Variants in COG6 observed in about 807,000 individuals in gnomAD.
COG6 encodes conserved oligomeric Golgi complex subunit 6.
A neutral mutation model predicts 88.8 loss-of-function variants in COG6; 74 were observed. That is an observed-to-expected ratio of 0.83 (90% CI 0.69 to 1.01). COG6 has a LOEUF of 1.01. Ranked by LOEUF, COG6 falls within the 50% of genes least tolerant of loss-of-function variation. COG6 has a pLI of 0.00. For synonymous variants in COG6, 286 were observed against 278.7 expected (o/e 1.03, Z -0.26); for missense variants, 800 against 797.9 (o/e 1.00, Z -0.03).
In COG6 at chr13:39,655,702, A is replaced by T; in HGVS notation, c.-25A>T. On this transcript the variant is annotated 5_prime_UTR_variant, in exon 1 of 19. Coordinates refer to ENST00000455146, the MANE Select transcript of COG6 (RefSeq NM_020751.3). ...GTGGTCCCTGCCTGGCTGAGGTGGC[A>T]GCAGGGGGCGGGACGCGCAGCGCTA... 1.9e-6 allele frequency: 3 copies of T among 1,553,882 alleles called. No individual in the cohort carries two copies. Among genetic ancestry groups the T allele is most frequent in the Non-Finnish European group, 2.6e-6 (3 of 1,151,560 alleles).
chr13:39,770,197 C>T (rs376075622), intron 18 of COG6, among the ~76,000 whole-genome samples: 2 of 152,208 alleles, frequency 1.3e-5, no homozygotes, highest in Admixed American at 1.3e-4. Context: ...TTGTCTTACA[C>T]ATATTAGTTA....
chr13:39,770,962 A>T (rs1257742434), intron 18 of COG6, among the ~76,000 whole-genome samples: 1 of 152,082 alleles, frequency 6.6e-6, no homozygotes, highest in African/African-American at 2.4e-5. Flanking sequence ...GATAACATTA[A>T]TTGTCTTTTT....
chr13:39,706,215 T>TTATATATATATATATATACTCCTTTA (rs141224881), intron 13 of COG6, among the ~76,000 whole-genome samples: 37 of 126,724 alleles, frequency 2.9e-4, no homozygotes, highest in African/African-American at 9.9e-4. Context: ...ATATACTCCT[T>TTATATATATATATATATACTCCTTTA]TATATATATA....
At chr13:39,737,786 G>GC (rs766327379) in intron 18 of COG6, among the ~76,000 whole-genome samples, 15 of 152,040 alleles carry the variant, frequency 9.9e-5, no homozygotes, top group Non-Finnish European at 1.9e-4. Flanking sequence ...AGATCCCAGA[G>GC]CACCTTATCC....
At chr13:39,665,262 G>C (rs999566742) in intron 4 of COG6, 108 bp downstream of exon 4, 2 of 694,338 alleles carry the variant, frequency 2.9e-6, no homozygotes, top group Non-Finnish European at 5.2e-6. Flanking sequence ...AAAAAACATG[G>C]TTCATAAGGT....
At chr13:39,702,834 C>T (rs941201317) in intron 13 of COG6, among the ~76,000 whole-genome samples, 1 of 151,970 alleles carries the variant, frequency 6.6e-6, no homozygotes, top group African/African-American at 2.4e-5. Context: ...CTAGTGAAGT[C>T]GTTGGTGAAA....
At chr13:39,745,341 A>T (rs1880284506) in intron 18 of COG6, among the ~76,000 whole-genome samples, 1 of 152,220 alleles carries the variant, frequency 6.6e-6, no homozygotes, top group Non-Finnish European at 1.5e-5. Flanking sequence ...CAATCTACCC[A>T]TCTGACAAAG....
At chr13:39,707,595 G>A (rs960151751) in intron 13 of COG6, among the ~76,000 whole-genome samples, 2 of 152,170 alleles carry the variant, frequency 1.3e-5, no homozygotes, top group African/African-American at 2.4e-5. Flanking sequence ...TAACCCCGGT[G>A]TAAACTGCTG....
intron 18 of COG6, among the ~76,000 whole-genome samples, chr13:39,776,470 T>C (rs1016216884): frequency 6.6e-6 from 1 of 152,238 alleles, no homozygotes; most frequent in South Asian, 2.1e-4. Context: ...ATTGTTATTG[T>C]TAGATATTAG....
At chr13:39,783,559 G>T (rs1337351201) in intron 18 of COG6, among the ~76,000 whole-genome samples, 1 of 152,094 alleles carries the variant, frequency 6.6e-6, no homozygotes, top group Non-Finnish European at 1.5e-5. Flanking sequence ...ATTTTAAAAT[G>T]ATGGTACAGT....
intron 18 of COG6, among the ~76,000 whole-genome samples, chr13:39,735,021 G>A (rs1230868533): frequency 6.6e-6 from 1 of 151,114 alleles, no homozygotes; most frequent in East Asian, 1.9e-4. Flanking sequence ...TTTTTTGTAG[G>A]CAACAGATTT....
At chr13:39,716,728 A>G (rs567751076) in intron 13 of COG6, among the ~76,000 whole-genome samples, 1 of 152,200 alleles carries the variant, frequency 6.6e-6, no homozygotes, top group Admixed American at 6.5e-5. Context: ...ATTTATAACA[A>G]CATACTTTGA....
chr13:39,655,931 G>A (rs1251841427), intron 1 of COG6, 52 bp downstream of exon 1: 3 of 1,565,434 alleles, frequency 1.9e-6, no homozygotes, highest in Non-Finnish European at 2.6e-6. Flanking sequence ...GGCTGAGCCG[G>A]GCCAGGGGCG....
chr13:39,667,806 T>C (rs566818238), intron 4 of COG6, among the ~76,000 whole-genome samples: 55 of 152,240 alleles, frequency 3.6e-4, no homozygotes, highest in African/African-American at 1.3e-3. Context: ...AACAGAATTG[T>C]TTATTTAGAA....
chr13:39,765,827 A>C (rs1249959971), intron 18 of COG6, among the ~76,000 whole-genome samples: 1 of 152,226 alleles, frequency 6.6e-6, no homozygotes, highest in Non-Finnish European at 1.5e-5. Flanking sequence ...TAAAAATATC[A>C]CAGCTTCTGT....
chr13:39,765,197 T>C (rs1196829131), intron 18 of COG6, among the ~76,000 whole-genome samples: 1 of 152,174 alleles, frequency 6.6e-6, no homozygotes, highest in African/African-American at 2.4e-5. Flanking sequence ...TGCCCTCTGA[T>C]ATCTCTCTCT....
intron 18 of COG6, among the ~76,000 whole-genome samples, chr13:39,769,621 G>A (rs995916530): frequency 2.6e-5 from 4 of 152,196 alleles, no homozygotes; most frequent in African/African-American, 9.7e-5. Flanking sequence ...TGTTAAAACT[G>A]AAGAGTAGAG....
intron 18 of COG6, among the ~76,000 whole-genome samples, chr13:39,758,680 A>G (rs1212787743): frequency 6.6e-6 from 1 of 152,210 alleles, no homozygotes; most frequent in African/African-American, 2.4e-5. Flanking sequence ...TTTAACAAAC[A>G]GTTCCTCAAA....
intron 4 of COG6, among the ~76,000 whole-genome samples, chr13:39,676,187 C>T (rs904139539): frequency 2.0e-5 from 3 of 152,044 alleles, no homozygotes; most frequent in African/African-American, 4.8e-5. Context: ...CTTCTCCCCA[C>T]TATCTTCCCC....
Sources: allele counts gnomAD v4.1 joint callset (sites outside exome capture counted in the v4.1 genomes callset), GRCh38; gene constraint gnomAD v4.1.1; transcripts MANE v1.5; gene names NCBI Gene and HGNC (gene_info 2026-07-23, HGNC 2026-07-21).